The following RNF150 variants were observed in gnomAD, a reference collection of about 807,000 sequenced individuals.
The protein encoded by RNF150 is ring finger protein 150.
A neutral mutation model predicts 39.3 loss-of-function variants in RNF150; 24 were observed. The ratio of observed to expected loss-of-function variants is 0.61; its 90% CI spans 0.44 to 0.86. RNF150 has a LOEUF of 0.86. Ranked by LOEUF, RNF150 falls within the 40% of genes least tolerant of loss-of-function variation. RNF150 has a pLI of 0.00. For missense variants in RNF150, 502 were observed against 587.8 expected (o/e 0.85, Z 1.51); for synonymous variants, 255 against 227.3 (o/e 1.12, Z -1.10).
At chr4:140,920,914 A>G (rs1194925580) in intron 5 of RNF150, among the ~76,000 whole-genome samples, 1 of 151,954 alleles carries the variant, frequency 6.6e-6, no homozygotes, top group African/African-American at 2.4e-5. Flanking sequence ...GGAAATCATC[A>G]TTCTGAGTAA....
Position 141,017,629 on chromosome 4 carries a change from G to A in RNF150, c.485-49756C>T, listed in dbSNP as rs111916598. ...ATATGGAAGAGTTTCAGCATCCTAA[G>A]ATCCTTTGCCCTCTATTTATCCATC... On this transcript the variant is annotated intron_variant, in intron 1 of 6. Coordinates refer to ENST00000515673, the MANE Select transcript of RNF150 (RefSeq NM_020724.2). Among the ~76,000 whole-genome samples the A allele has an allele frequency of 4.6e-3, 703 of 152,236 alleles. 5 individuals carry two copies. Among genetic ancestry groups the A allele is most frequent in the African/African-American group, 0.016 (677 of 41,558 alleles).
chr4:141,099,938 G>C (rs935330937), intron 1 of RNF150, among the ~76,000 whole-genome samples: 1 of 152,110 alleles, frequency 6.6e-6, no homozygotes, highest in African/African-American at 2.4e-5. Flanking sequence ...AGGGTATTTG[G>C]TTTGGAGTGT....
At position 141,177,808 on chromosome 4, in the gene RNF150, G is replaced by A. The variant is rs143766996; in HGVS notation, c.-6+34986C>T. 2.8e-3 allele frequency among the ~76,000 whole-genome samples: 419 copies of A among 152,172 alleles called. 5 individuals are homozygous for A. The highest frequency in any genetic ancestry group is 0.017 in the Middle Eastern group (5 of 294). On this transcript the variant is annotated intron_variant, in intron 1 of 7. Transcript: ENST00000420921. ...CTTGCGGAGGCCAGGAGGTGCTCAC[G>A]GATAACTCCTTTAGAGAAAAGGGCT...
chr4:140,912,441 T>A (rs1730641912), intron 5 of RNF150, among the ~76,000 whole-genome samples: 1 of 152,182 alleles, frequency 6.6e-6, no homozygotes, highest in Non-Finnish European at 1.5e-5. Flanking sequence ...AGGCAGAACA[T>A]GATGGTCAGG....
intron 1 of RNF150, among the ~76,000 whole-genome samples, chr4:141,038,359 G>A (rs1271416007): frequency 6.6e-6 from 1 of 152,152 alleles, no homozygotes; most frequent in African/African-American, 2.4e-5. Flanking sequence ...GATTAACAGA[G>A]TTGACAGCTT....
At chr4:141,165,139 G>A (rs1727579310) in intron 1 of RNF150, among the ~76,000 whole-genome samples, 1 of 152,124 alleles carries the variant, frequency 6.6e-6, no homozygotes. Context: ...AACAGCAGGG[G>A]TTGCAATCCT....
intron 1 of RNF150, among the ~76,000 whole-genome samples, chr4:141,057,594 C>T (rs1045193754): frequency 6.6e-6 from 1 of 152,072 alleles, no homozygotes; most frequent in Admixed American, 6.6e-5. Flanking sequence ...TCTCTTATGA[C>T]TTTGCATCCT....
At chr4:140,880,877 TCTAA>T (rs957111792) in intron 6 of RNF150, among the ~76,000 whole-genome samples, 1 of 152,134 alleles carries the variant, frequency 6.6e-6, no homozygotes, top group African/African-American at 2.4e-5. Flanking sequence ...CTCTTTAATG[TCTAA>T]CTATTTATTC....
chr4:141,013,559 A>G (rs563764235), intron 1 of RNF150, among the ~76,000 whole-genome samples: 61 of 152,262 alleles, frequency 4.0e-4, no homozygotes, highest in African/African-American at 1.4e-3. Flanking sequence ...TCTTTACACA[A>G]AATTTCTCTG....
intron 2 of RNF150, among the ~76,000 whole-genome samples, chr4:140,965,472 GA>G (rs1733201708): frequency 1.3e-5 from 2 of 152,102 alleles, no homozygotes; most frequent in Non-Finnish European, 2.9e-5. Context: ...TCACGACAGC[GA>G]AGATAGGGAA....
chr4:140,886,703 G>A (rs1028539353), intron 6 of RNF150, among the ~76,000 whole-genome samples: 1 of 151,968 alleles, frequency 6.6e-6, no homozygotes, highest in Admixed American at 6.6e-5. Flanking sequence ...TTGCAGCCTC[G>A]ACACCCTGGA....
chr4:141,026,155 A>T (rs755115291), intron 1 of RNF150, among the ~76,000 whole-genome samples: 1 of 152,198 alleles, frequency 6.6e-6, no homozygotes, highest in East Asian at 1.9e-4. Flanking sequence ...CATCCAGTCT[A>T]TGGTGCTTTT....
At chr4:141,191,719 C>G (rs1340667349) in intron 1 of RNF150, among the ~76,000 whole-genome samples, 1 of 152,208 alleles carries the variant, frequency 6.6e-6, no homozygotes, top group East Asian at 1.9e-4. Flanking sequence ...ATCTATCTAT[C>G]TATCTGCACA....
rs1471826294 is a variant in RNF150, at chr4:140,967,622, C to A, written c.735+1G>T. ...AAGTTTTTTAACTTTTTGCTACTCA[C>A]CTGGTTCCTATCCCTGGCATTTGCA... On this transcript the variant is annotated splice_donor_variant, in intron 2 of 6. Coordinates refer to ENST00000515673, the MANE Select transcript of RNF150 (RefSeq NM_020724.2). LOFTEE classifies it high-confidence loss of function. 6.2e-7 allele frequency: 1 copy of A among 1,601,902 alleles called. No homozygotes were observed. Among genetic ancestry groups the A allele is most frequent in the Admixed American group, 1.7e-5 (1 of 59,356 alleles).
intron 1 of RNF150, among the ~76,000 whole-genome samples, chr4:141,201,925 G>A (rs776445891): frequency 2.0e-4 from 31 of 152,108 alleles, no homozygotes; most frequent in Non-Finnish European, 4.0e-4. Flanking sequence ...ATTAGGCCAT[G>A]AAGGTTTCCA....
At chr4:140,912,985 C>T (rs1445480180) in intron 5 of RNF150, among the ~76,000 whole-genome samples, 1 of 129,900 alleles carries the variant, frequency 7.7e-6, no homozygotes, top group African/African-American at 3.0e-5. Context: ...AAAAAAAAAA[C>T]ACCATGGGCT....
At chr4:141,047,832 C>T (rs1736634413) in intron 1 of RNF150, among the ~76,000 whole-genome samples, 1 of 152,076 alleles carries the variant, frequency 6.6e-6, no homozygotes, top group Non-Finnish European at 1.5e-5. Flanking sequence ...CTTAATGGAT[C>T]ATTTATCTCT....
chr4:141,050,497 AT>A (rs1736735760), intron 1 of RNF150, among the ~76,000 whole-genome samples: 1 of 152,212 alleles, frequency 6.6e-6, no homozygotes, highest in Non-Finnish European at 1.5e-5. Context: ...CAATTTAGCT[AT>A]TTCCTAGATA....
rs1011573158 is a variant in RNF150, at chr4:140,861,573, C to T, written c.*6688G>A. The T allele has an allele frequency of 2.0e-5, 3 of 152,184 alleles. No homozygotes were observed. The highest frequency in any genetic ancestry group is 7.2e-5 in the African/African-American group (3 of 41,448). 9.4% of individuals were successfully genotyped at this position (152,184 alleles called of 1,614,324 possible). On this transcript the variant is annotated 3_prime_UTR_variant, in exon 7 of 7. Transcript: ENST00000515673. ...GGCACTCTGCTCCTTGCAATAACAT[C>T]CTACTGAACAGTAAGTACCATGGAT...
Sources: allele counts gnomAD v4.1 joint callset (sites outside exome capture counted in the v4.1 genomes callset), GRCh38; gene constraint gnomAD v4.1.1; transcripts MANE v1.5; gene names NCBI Gene and HGNC (gene_info 2026-07-23, HGNC 2026-07-21).